AKIP1: variants seen among roughly 807,000 people sequenced by gnomAD.
The protein encoded by AKIP1 is A-kinase-interacting protein 1.
In AKIP1, 18 loss-of-function variants were observed where a neutral mutation model predicts 22.3. That is an observed-to-expected ratio of 0.81 (90% confidence interval 0.56 to 1.19). The LOEUF (loss-of-function observed/expected upper bound fraction) is 1.19, where lower values mean the gene tolerates loss of function less well. Among genes scored for constraint, AKIP1 ranks in the 50% most tolerant of loss-of-function variants. AKIP1 has a pLI of 0.00. For synonymous variants in AKIP1, 120 were observed against 102.7 expected (o/e 1.17, Z -1.02); for missense variants, 287 against 264.6 (o/e 1.08, Z -0.59).
chr11:8,913,115 G>C (rs1263461697), intron 3 of AKIP1, among the ~76,000 whole-genome samples: 3 of 148,396 alleles, frequency 2.0e-5, no homozygotes, highest in African/African-American at 7.6e-5. Context: ...TCCTGACCTC[G>C]TGATCCGCCC....
intron 3 of AKIP1, 100 bp downstream of exon 3, chr11:8,912,633 C>T: frequency 9.5e-7 from 1 of 1,051,574 alleles, no homozygotes; most frequent in Non-Finnish European, 1.5e-6. Context: ...ACCTGTTTCT[C>T]CTGCCCAGCC....
intron 3 of AKIP1, among the ~76,000 whole-genome samples, chr11:8,914,423 C>A (rs2064446239): frequency 1.3e-5 from 2 of 152,236 alleles, no homozygotes; most frequent in Non-Finnish European, 1.5e-5. Flanking sequence ...CCCCTCTCTT[C>A]CCGTGTCCTG....
rs1566102995 is a variant in AKIP1 at position 8,912,464 on chromosome 11, A to AC, written c.239dup (p.Thr81AsnfsTer3). Reference sequence around the variant, plus strand: ...ATTTATTCAAATAGAGAGAAGAGAGACCCCCAACCCTTAGTGCTTCCTTCA... The same window carrying AC: ...ATTTATTCAAATAGAGAGAAGAGAGACCCCCCAACCCTTAGTGCTTCCTTCA... On this transcript the variant is annotated frameshift_variant, in exon 3 of 6. Coordinates refer to ENST00000309377, the MANE Select transcript of AKIP1 (RefSeq NM_020642.4). LOFTEE classifies it high-confidence loss of function. 5.6e-6 allele frequency: 9 copies of AC among 1,613,806 alleles called. No homozygotes were observed. Among genetic ancestry groups the AC allele is most frequent in the African/African-American group, 1.3e-5 (1 of 74,982 alleles).
At chr11:8,913,164 C>G (rs1341661908) in intron 3 of AKIP1, among the ~76,000 whole-genome samples, 2 of 149,826 alleles carry the variant, frequency 1.3e-5, no homozygotes, top group Non-Finnish European at 3.0e-5. Context: ...CAGGTGTGAG[C>G]CACCGTGCCC....
intron 1 of AKIP1, 74 bp downstream of exon 1, chr11:8,911,297 C>G: frequency 1.4e-6 from 1 of 693,056 alleles, no homozygotes; most frequent in Non-Finnish European, 2.4e-6. Context: ...CTAGTCCTGG[C>G]TGGGCTCCCG....
chr11:8,912,621 CTACCTG>C (rs2064401211), intron 3 of AKIP1, 88 bp downstream of exon 3: 1 of 1,169,808 alleles, frequency 8.5e-7, no homozygotes. Flanking sequence ...AATCTGGACA[CTACCTG>C]TTTCTCCTGC....
At chr11:8,916,281 A>G (rs1470436384) in intron 4 of AKIP1, among the ~76,000 whole-genome samples, 3 of 152,194 alleles carry the variant, frequency 2.0e-5, no homozygotes, top group Non-Finnish European at 2.9e-5. Context: ...TTTTAAAAAG[A>G]AAGTACAAGG....
intron 4 of AKIP1, among the ~76,000 whole-genome samples, chr11:8,915,237 A>G (rs2064461205): frequency 6.6e-6 from 1 of 152,088 alleles, no homozygotes; most frequent in Admixed American, 6.6e-5. Context: ...GGTGTATGCA[A>G]TGATCGCCCC....
Position 8,911,454 on chromosome 11 carries a change from A to T in AKIP1, c.5A>T (p.Asp2Val). Residue 2 changes from aspartate (D) to valine (V), a missense_variant, in exon 2 of 6, where the codon GAC becomes GTC. Physicochemically the swap from Asp to Val is radical, Grantham distance 152. Transcript: ENST00000309377. The part of the protein sequence containing the change: M[D>V]NCLAAAALNG... ...TGTGTGCCCACTCAGGGAGCCATGGACAACTGTTTGGCGGCCGCAGCGCTG... is the reference window on the plus strand; with the variant it reads ...TGTGTGCCCACTCAGGGAGCCATGGTCAACTGTTTGGCGGCCGCAGCGCTG... The T allele has an allele frequency of 6.3e-7, 1 of 1,593,824 alleles. No homozygotes were observed. Among genetic ancestry groups the T allele is most frequent in the South Asian group, 1.1e-5 (1 of 87,486 alleles).
chr11:8,916,063 G>A (rs568438678), intron 4 of AKIP1, among the ~76,000 whole-genome samples: 41 of 152,030 alleles, frequency 2.7e-4, no homozygotes, highest in African/African-American at 8.0e-4. Context: ...CTCGTGATCC[G>A]CCTGCCTCGG....
intron 5 of AKIP1, 91 bp from the exon 6 acceptor site, chr11:8,919,246 C>T (rs758847825): frequency 1.6e-4 from 198 of 1,275,630 alleles, no homozygotes; most frequent in Non-Finnish European, 2.1e-4. Context: ...CATTCCATCA[C>T]ACCTCTGCAA....
chr11:8,917,759 A>C, intron 5 of AKIP1: 1 of 337,182 alleles, frequency 3.0e-6, no homozygotes, highest in Non-Finnish European at 5.4e-6. Context: ...CGAAACATAC[A>C]CATTTGGTGA....
At chr11:8,918,677 A>G (rs1306080421) in intron 5 of AKIP1, among the ~76,000 whole-genome samples, 1 of 152,212 alleles carries the variant, frequency 6.6e-6, no homozygotes, top group Non-Finnish European at 1.5e-5. Context: ...TCTACCAGCC[A>G]TGAGTGAAGT....
chr11:8,917,409 G>A lies in AKIP1; in HGVS notation c.489+42G>A, dbSNP rs1026465482. 2.1e-6 allele frequency: 3 copies of A among 1,448,422 alleles called. No individual in the cohort carries two copies. The African/African-American group carries it at 4.2e-5, about 20-fold the overall frequency. The allele number at this position is 1,448,422 out of a possible 1,614,324, so 89.7% of individuals were successfully genotyped here. On this transcript the variant is annotated intron_variant, in intron 5 of 5. Coordinates refer to ENST00000309377, the MANE Select transcript of AKIP1 (RefSeq NM_020642.4). ...TTACGCACTGGGTTTCACCACCGTT[G>A]CAACTCCATGAACCAGTTGACATGG... is the stretch of plus-strand genomic sequence containing the variant.
intron 4 of AKIP1, among the ~76,000 whole-genome samples, chr11:8,916,834 A>G (rs1422644762): frequency 4.6e-5 from 7 of 152,080 alleles, no homozygotes; most frequent in Non-Finnish European, 1.5e-5. Flanking sequence ...CTCCCTTTAA[A>G]ATGTAAGTTC....
chr11:8,919,579 T>C lies in AKIP1; in HGVS notation c.*99T>C, dbSNP rs1324107161. 3.0e-6 allele frequency: 4 copies of C among 1,355,254 alleles called. No homozygotes were observed. Among genetic ancestry groups the C allele is most frequent in the Non-Finnish European group, 4.1e-6 (4 of 985,208 alleles). 84.0% of individuals were successfully genotyped at this position (1,355,254 alleles called of 1,614,324 possible). On this transcript the variant is annotated 3_prime_UTR_variant, in exon 6 of 6. Coordinates refer to ENST00000309377, the MANE Select transcript of AKIP1 (RefSeq NM_020642.4). The stretch of plus-strand genomic sequence containing the variant: ...AGCTATACATTAATCCTGTTTTTAG[T>C]GCTGACTGGGTCAGCCTTCCGGGAA...
chr11:8,917,361 C>G lies in AKIP1; in HGVS notation c.483C>G (p.Ser161=). The G allele has an allele frequency of 6.2e-7, 1 of 1,613,270 alleles. No homozygotes were observed. The highest frequency in any genetic ancestry group is 2.2e-5 in the East Asian group (1 of 44,890). Residue 161 remains serine (S), a synonymous_variant, in exon 5 of 6, where the codon TCC becomes TCG. Transcript: ENST00000309377. ...YQISEHAPEA[S]QPAENISKDL... ...TATCAGAGCATGCTCCAGAGGCATC[C>G]CAGCCTGTGAGTACGGAACTGCTTA...
Position 8,911,445 on chromosome 11 carries a change from G to C in AKIP1, c.-5G>C. The C allele has an allele frequency of 6.3e-7, 1 of 1,585,946 alleles. No homozygotes were observed. Among genetic ancestry groups the C allele is most frequent in the East Asian group, 2.3e-5 (1 of 43,770 alleles). ...TTTGTACGTTGTGTGCCCACTCAGG[G>C]AGCCATGGACAACTGTTTGGCGGCC... On this transcript the variant is annotated splice_region_variant and 5_prime_UTR_variant, in exon 2 of 6. Transcript: ENST00000309377.
intron 2 of AKIP1, among the ~76,000 whole-genome samples, chr11:8,912,231 A>G (rs954538993): frequency 2.0e-5 from 3 of 151,336 alleles, no homozygotes; most frequent in African/African-American, 7.3e-5. Context: ...TCTTACAGCT[A>G]TCATCTGATA....
Sources: allele counts gnomAD v4.1 joint callset (sites outside exome capture counted in the v4.1 genomes callset), GRCh38; gene constraint gnomAD v4.1.1; transcripts MANE v1.5; gene names NCBI Gene and HGNC (gene_info 2026-07-23, HGNC 2026-07-21).